CD99L2: variants seen among roughly 807,000 people sequenced by gnomAD.
CD99L2 encodes CD99 antigen-like protein 2.
Under a neutral mutation model 27.3 loss-of-function variants are expected in CD99L2, and 24 were observed. The observed-to-expected ratio is 0.88, with a 90% CI of 0.64 to 1.24. The LOEUF (loss-of-function observed/expected upper bound fraction) is 1.24, where lower values mean the gene tolerates loss of function less well. CD99L2 is among the 50% of genes most tolerant of loss of function. The pLI is 0.00. For synonymous variants in CD99L2, 97 were observed against 87.9 expected, an observed-to-expected ratio of 1.10 and a Z score of -0.58; for missense variants, 255 against 221.6, an observed-to-expected ratio of 1.15 and a Z score of -0.96.
chrX:150,813,841 T>C (rs1287761799), intron 4 of CD99L2, among the ~76,000 whole-genome samples: 1 of 112,252 alleles, frequency 8.9e-6, no homozygotes, highest in Non-Finnish European at 1.9e-5. Context: ...AAACCAACTA[T>C]GGTTTTGCCA....
At chrX:150,813,074 T>C (rs2046096840) in intron 4 of CD99L2, among the ~76,000 whole-genome samples, 1 of 110,402 alleles carries the variant, frequency 9.1e-6, no homozygotes. Context: ...AGGAAAGGGA[T>C]GGGGAAGGGG....
At chrX:150,786,805 G>A (rs1256319009) in intron 7 of CD99L2, among the ~76,000 whole-genome samples, 4 of 111,855 alleles carry the variant, frequency 3.6e-5, no homozygotes, top group African/African-American at 1.3e-4. Context: ...TTTTTTCAAC[G>A]CTGGCTGAAC....
intron 4 of CD99L2, among the ~76,000 whole-genome samples, chrX:150,801,127 T>TTG (rs2045899651): frequency 9.0e-6 from 1 of 110,917 alleles, no homozygotes; most frequent in Non-Finnish European, 1.9e-5. Flanking sequence ...TAAAAAGGAA[T>TTG]TATCACCAAT....
rs782285952 is a variant in CD99L2 at position 150,793,772 on chromosome X, C to G, written c.431-16G>C. On this transcript the variant is annotated splice_polypyrimidine_tract_variant and intron_variant, in intron 6 of 10. Transcript: ENST00000370377. ...TCTGAAAAACCTGGAGAAAATAAAACATACATTTCAACAACAAGAAAAAAA... is the reference window on the plus strand; with the variant it reads ...TCTGAAAAACCTGGAGAAAATAAAAGATACATTTCAACAACAAGAAAAAAA... The G allele has an allele frequency of 1.4e-5, 16 of 1,151,904 alleles. No individual in the cohort carries two copies. Among genetic ancestry groups the G allele is most frequent in the Middle Eastern group, 2.4e-4 (1 of 4,158 alleles). The allele number at this position is 1,151,904 out of a possible 1,213,427, so 94.9% of individuals were successfully genotyped here.
chrX:150,789,124 C>CTTTTTTT (rs35495241), intron 7 of CD99L2, among the ~76,000 whole-genome samples: 2 of 55,804 alleles, frequency 3.6e-5, no homozygotes, highest in African/African-American at 1.3e-4. Context: ...TTCTTTTTTT[C>CTTTTTTT]TTTTTTTTTT....
intron 4 of CD99L2, among the ~76,000 whole-genome samples, chrX:150,802,640 G>A (rs1557420117): frequency 1.1e-5 from 1 of 93,441 alleles, no homozygotes. Flanking sequence ...GGAGTGCAGT[G>A]GCGTGATCTT....
chrX:150,811,239 C>T (rs1188065983), intron 4 of CD99L2, among the ~76,000 whole-genome samples: 1 of 111,420 alleles, frequency 9.0e-6, no homozygotes, highest in African/African-American at 3.3e-5. Flanking sequence ...GACACAACTT[C>T]ACGCCCACGA....
chrX:150,785,133 T>C (rs1217634448), intron 7 of CD99L2, among the ~76,000 whole-genome samples: 2 of 109,316 alleles, frequency 1.8e-5, no homozygotes, highest in South Asian at 4.0e-4. Flanking sequence ...TGTTTGAAGA[T>C]CACAGGAACC....
intron 1 of CD99L2, among the ~76,000 whole-genome samples, chrX:150,863,596 TTTGC>T (rs1392872642): frequency 9.0e-6 from 1 of 111,687 alleles, no homozygotes; most frequent in Non-Finnish European, 1.9e-5. Context: ...TGTTTGTTTG[TTTGC>T]TTGTTTGTTT....
intron 1 of CD99L2, among the ~76,000 whole-genome samples, chrX:150,874,382 G>A (rs930124498): frequency 9.8e-5 from 11 of 111,816 alleles, no homozygotes; most frequent in Non-Finnish European, 1.9e-4. Context: ...TGAGGAAGAA[G>A]GAATTGGGAG....
In CD99L2 at chrX:150,767,922, C is replaced by G. The variant is rs184909285; in HGVS notation, c.*1112G>C. The G allele has an allele frequency of 8.9e-6, 1 of 112,056 alleles. No homozygotes were observed. Among genetic ancestry groups the G allele is most frequent in the East Asian group, 2.9e-4 (1 of 3,504 alleles). The allele number at this position is 112,056 out of a possible 1,213,427, so 9.2% of individuals were successfully genotyped here. ...CAGCTCTGCTCCAGCCCAAACCAGG[C>G]AGCTCCACGCCAGGTGAGGGGCGAG... is the stretch of plus-strand genomic sequence containing the variant. On this transcript the variant is annotated 3_prime_UTR_variant, in exon 11 of 11. Coordinates refer to ENST00000370377, the MANE Select transcript of CD99L2 (RefSeq NM_031462.4).
At chrX:150,860,874 G>A (rs917172743) in intron 1 of CD99L2, among the ~76,000 whole-genome samples, 20 of 110,575 alleles carry the variant, frequency 1.8e-4, no homozygotes, top group African/African-American at 4.6e-4. Context: ...TTGGCCAGGC[G>A]CGGTGGCTCA....
chrX:150,871,429 C>A (rs1569566131), intron 1 of CD99L2, among the ~76,000 whole-genome samples: 1 of 111,699 alleles, frequency 9.0e-6, no homozygotes, highest in Non-Finnish European at 1.9e-5. Context: ...CAGATTCAGA[C>A]TGAAGGTTGA....
chrX:150,798,910 C>T (rs111373635), intron 4 of CD99L2, among the ~76,000 whole-genome samples: 11,723 of 110,955 alleles, frequency 0.11, 529 homozygotes, highest in Middle Eastern at 0.19. Flanking sequence ...ACCACCATGC[C>T]CAGCTAATTT....
chrX:150,839,736 T>C (rs1464573528), intron 1 of CD99L2, among the ~76,000 whole-genome samples: 1 of 108,105 alleles, frequency 9.3e-6, no homozygotes, highest in African/African-American at 3.4e-5. Flanking sequence ...AATTTAAAAA[T>C]TAGCCTGGGG....
At position 150,767,241 on chromosome X, in the gene CD99L2, G is replaced by A. The variant is rs1463876193; in HGVS notation, c.*1793C>T. ...TGACAAAGTTCACAATCTGGCCAATGAGTGTGGGAGGCCCTGGAAACAGGC... is the reference window on the plus strand; with the variant it reads ...TGACAAAGTTCACAATCTGGCCAATAAGTGTGGGAGGCCCTGGAAACAGGC... On this transcript the variant is annotated 3_prime_UTR_variant, in exon 11 of 11. Coordinates refer to ENST00000370377, the MANE Select transcript of CD99L2 (RefSeq NM_031462.4). 4.5e-5 allele frequency: 5 copies of A among 111,957 alleles called. No homozygotes were observed. Among genetic ancestry groups the A allele is most frequent in the African/African-American group, 1.6e-4 (5 of 30,691 alleles). 9.2% of individuals were successfully genotyped at this position (111,957 alleles called of 1,213,427 possible).
At chrX:150,769,694 GGC>G (rs2043394766) in intron 10 of CD99L2, among the ~76,000 whole-genome samples, 2 of 77,868 alleles carry the variant, frequency 2.6e-5, no homozygotes, top group Non-Finnish European at 3.9e-5. Flanking sequence ...ACCAGGCCTC[GGC>G]TGCTCCCCGA....
intron 7 of CD99L2, among the ~76,000 whole-genome samples, chrX:150,786,226 T>A (rs993937264): frequency 3.6e-5 from 4 of 111,341 alleles, no homozygotes; most frequent in African/African-American, 1.3e-4. Flanking sequence ...GTTTTTTTTT[T>A]TAAAAAATTT....
intron 1 of CD99L2, among the ~76,000 whole-genome samples, chrX:150,895,623 G>A (rs1001620837): frequency 5.4e-5 from 6 of 111,819 alleles, no homozygotes; most frequent in Non-Finnish European, 1.1e-4. Flanking sequence ...GTGCCTAACT[G>A]AGGCACTTGC....
Sources: allele counts gnomAD v4.1 joint callset (sites outside exome capture counted in the v4.1 genomes callset), GRCh38; gene constraint gnomAD v4.1.1; transcripts MANE v1.5; gene names NCBI Gene and HGNC (gene_info 2026-07-23, HGNC 2026-07-21).